The following HEXD variants were observed in gnomAD, a reference collection of about 807,000 sequenced individuals.
The protein encoded by HEXD is hexosaminidase D, also known as N-acetyl-beta-galactosaminidase.
In HEXD, 47 loss-of-function variants were observed where a neutral mutation model predicts 54.2. The ratio of observed to expected loss-of-function variants is 0.87; its 90% CI spans 0.69 to 1.11. The LOEUF is 1.11. Ranked by LOEUF, HEXD falls within the 50% of genes least tolerant of loss-of-function variation. The pLI, the probability that HEXD is intolerant of heterozygous loss-of-function variation, is 0.00. For synonymous variants in HEXD, 293 were observed against 287.6 expected, an observed-to-expected ratio of 1.02 and a Z score of -0.19; for missense variants, 576 against 649.2, an observed-to-expected ratio of 0.89 and a Z score of 1.23.
At chr17:82,436,476 C>A (rs745331181) in intron 6 of HEXD, among the ~76,000 whole-genome samples, 191 bp from the exon 7 acceptor site, 15 of 152,246 alleles carry the variant, frequency 9.9e-5, no homozygotes, top group Non-Finnish European at 2.1e-4. Context: ...CATGGTCGCT[C>A]CAGCGGGCGC....
intron 9 of HEXD, chr17:82,440,576 C>A: frequency 3.1e-6 from 1 of 318,164 alleles, no homozygotes; most frequent in South Asian, 2.6e-5. Flanking sequence ...AACACCAAGT[C>A]GGAGATTCGT....
intron 8 of HEXD, among the ~76,000 whole-genome samples, chr17:82,437,625 C>CTG (rs5822529): frequency 0.11 from 17,200 of 150,928 alleles, 1,075 homozygotes; most frequent in Non-Finnish European, 0.14. Flanking sequence ...GCACCTGAGG[C>CTG]TGTGTGTGTG....
At chr17:82,428,464 C>T in intron 3 of HEXD, 94 bp from the exon 4 acceptor site, 1 of 995,972 alleles carries the variant, frequency 1.0e-6, no homozygotes, top group Non-Finnish European at 1.6e-6. Flanking sequence ...TCCCGGAGAG[C>T]CCCCCAGGGC....
At chr17:82,437,752 C>T (rs770154578) in intron 8 of HEXD, among the ~76,000 whole-genome samples, 2 of 152,168 alleles carry the variant, frequency 1.3e-5, no homozygotes, top group Admixed American at 1.3e-4. Flanking sequence ...TTGGGTCTCA[C>T]ACAGGAAAGA....
In HEXD at chr17:82,440,703, G is replaced by T. The variant is rs539589664; in HGVS notation, c.983-294G>T. ...AGCCCTGGACACCTGTGTGGGTCGG[G>T]CTGCGCCCAGCAGGAAGAGCCACTT... On this transcript the variant is annotated intron_variant, in intron 9 of 12. Coordinates refer to ENST00000327949, the MANE Select transcript of HEXD (RefSeq NM_001330542.2). 983 of 469,902 alleles carry T rather than the reference G, an allele frequency of 2.1e-3. 8 individuals carry two copies. Among genetic ancestry groups the T allele is most frequent in the African/African-American group, 0.018 (911 of 50,626 alleles). 29.1% of individuals were successfully genotyped at this position (469,902 alleles called of 1,614,324 possible).
At chr17:82,422,856 A>C (rs1396787384) in intron 2 of HEXD, among the ~76,000 whole-genome samples, 1 of 152,158 alleles carries the variant, frequency 6.6e-6, no homozygotes, top group Non-Finnish European at 1.5e-5. Context: ...CAGGAGTTCG[A>C]GACCAGCCTG....
intron 2 of HEXD, among the ~76,000 whole-genome samples, chr17:82,421,460 G>A (rs960553881): frequency 6.6e-6 from 1 of 152,140 alleles, no homozygotes; most frequent in African/African-American, 2.4e-5. Flanking sequence ...TTCTAATACC[G>A]CGTGGCAGCA....
chr17:82,428,537 C>G (rs1413587339), intron 3 of HEXD, 21 bp from the exon 4 acceptor site: 8 of 1,609,432 alleles, frequency 5.0e-6, no homozygotes, highest in East Asian at 4.5e-5. Context: ...GACCCTCTCT[C>G]TATGAATTTT....
chr17:82,432,527 G>A (rs1231113697), intron 4 of HEXD, among the ~76,000 whole-genome samples: 2 of 152,284 alleles, frequency 1.3e-5, no homozygotes, highest in African/African-American at 4.8e-5. Context: ...AGGCCACAGA[G>A]TCTCTGTTCT....
chr17:82,441,900 G>C lies in HEXD; in HGVS notation c.1253+11G>C. The C allele has an allele frequency of 6.2e-7, 1 of 1,612,092 alleles. No homozygotes were observed. The highest frequency in any genetic ancestry group is 1.1e-5 in the South Asian group (1 of 91,072). ...GCCCGCAGCGCTCAGGTGAGGCCCT[G>C]GGCTCTTATAGGCCGTGCAGCCATG... On this transcript the variant is annotated intron_variant, in intron 12 of 12. Transcript: ENST00000327949.
chr17:82,440,878 C>A, intron 9 of HEXD, 119 bp from the exon 10 acceptor site: 1 of 1,147,484 alleles, frequency 8.7e-7, no homozygotes, highest in Non-Finnish European at 1.3e-6. Flanking sequence ...CTGGGCCTGG[C>A]CAGTGGCTCT....
intron 8 of HEXD, among the ~76,000 whole-genome samples, chr17:82,438,925 C>T (rs2379234): frequency 0.35 from 53,478 of 152,258 alleles, 10,598 homozygotes; most frequent in East Asian, 0.9. Context: ...CCCAGAGCAG[C>T]GGCGCATCCT....
At chr17:82,437,479 G>A (rs937760869) in intron 8 of HEXD, 116 bp downstream of exon 8, 10 of 921,962 alleles carry the variant, frequency 1.1e-5, no homozygotes, top group Admixed American at 3.4e-5. Context: ...GAAGCAGCCC[G>A]GGCCTCCAAG....
chr17:82,440,599 C>T, intron 9 of HEXD: 1 of 324,576 alleles, frequency 3.1e-6, no homozygotes, highest in South Asian at 2.6e-5. Flanking sequence ...ACGCTGGTGC[C>T]TGCAGGCCTC....
At chr17:82,425,233 G>A (rs1382935321) in intron 3 of HEXD, among the ~76,000 whole-genome samples, 8 of 149,008 alleles carry the variant, frequency 5.4e-5, no homozygotes, top group African/African-American at 9.9e-5. Context: ...AGAGAAGGCC[G>A]GAGGAGGCTA....
Position 82,435,702 on chromosome 17 carries a change from G to A in HEXD, c.461G>A (p.Gly154Glu). 2 of 1,612,228 alleles carry A rather than the reference G, an allele frequency of 1.2e-6. No individual in the cohort carries two copies. The highest frequency in any genetic ancestry group is 4.5e-5 in the East Asian group (2 of 44,844). Residue 154 changes from glycine (G) to glutamate (E), a missense_variant, in exon 6 of 13, where the codon GGA becomes GAA. Transcript: ENST00000327949. ...CCTTCCTTGCAGGTCTATTACCTCG[G>A]AGAGGGGGAGGCCTCGCGCCGGTGG... ...HIGCDEVYYL[G>E]EGEASRRWLQ... is the part of the protein sequence containing the mutation.
chr17:82,423,979 C>T (rs1487991934), intron 2 of HEXD, among the ~76,000 whole-genome samples: 1 of 151,892 alleles, frequency 6.6e-6, no homozygotes, highest in East Asian at 1.9e-4. Context: ...CCCGGCTCCT[C>T]CTGCCCCGTC....
intron 9 of HEXD, 127 bp from the exon 10 acceptor site, chr17:82,440,870 G>A: frequency 9.6e-7 from 1 of 1,043,666 alleles, no homozygotes; most frequent in Admixed American, 2.2e-5. Flanking sequence ...ACGCGGGGCT[G>A]GGCCTGGCCA....
At chr17:82,424,094 G>A (rs2053322818) in intron 2 of HEXD, among the ~76,000 whole-genome samples, 1 of 152,154 alleles carries the variant, frequency 6.6e-6, no homozygotes, top group Admixed American at 6.5e-5. Context: ...ATGAAGAGCT[G>A]CTTCTTGGTG....
Sources: allele counts gnomAD v4.1 joint callset (sites outside exome capture counted in the v4.1 genomes callset), GRCh38; gene constraint gnomAD v4.1.1; transcripts MANE v1.5; gene names NCBI Gene and HGNC (gene_info 2026-07-23, HGNC 2026-07-21).